The following ANKRD26 variants were observed in gnomAD, a reference collection of about 807,000 sequenced individuals.
ANKRD26 encodes the protein ankyrin repeat domain-containing protein 26.
ANKRD26 carries 141 observed loss-of-function variants against 208.7 expected under a neutral mutation model. The ratio of observed to expected loss-of-function variants is 0.68; its 90% CI spans 0.59 to 0.78. The LOEUF is 0.78. Among genes scored for constraint, ANKRD26 ranks in the 30% least tolerant of loss-of-function variants. The pLI is 0.00. For missense variants in ANKRD26, 1,889 were observed against 1,938.7 expected, an observed-to-expected ratio of 0.97 and a Z score of 0.48; for synonymous variants, 636 against 660.4, an observed-to-expected ratio of 0.96 and a Z score of 0.57.
At chr10:27,095,392 G>A (rs942849525) in intron 1 of ANKRD26, among the ~76,000 whole-genome samples, 3 of 152,202 alleles carry the variant, frequency 2.0e-5, no homozygotes, top group African/African-American at 7.2e-5. Flanking sequence ...GAGGGGTTGG[G>A]TGCAGTGGCT....
chr10:26,947,902 T>C, the ANKRD26 span, among the ~76,000 whole-genome samples: 2 of 152,228 alleles, frequency 1.3e-5, no homozygotes, highest in South Asian at 2.1e-4. Context: ...AAGTAAGAAG[T>C]AGAGTTGAGA....
At chr10:26,997,265 T>A (rs912150294) in intron 4 of ANKRD26, among the ~76,000 whole-genome samples, 2 of 152,170 alleles carry the variant, frequency 1.3e-5, no homozygotes, top group African/African-American at 4.8e-5. Context: ...GATACACCCA[T>A]GATGCTAATC....
intron 4 of ANKRD26, among the ~76,000 whole-genome samples, 159 bp from the exon 5 acceptor site, chr10:27,086,768 G>GTTTTTTTTTTT (rs36035101): frequency 2.1e-5 from 2 of 97,016 alleles, no homozygotes; most frequent in Non-Finnish European, 3.9e-5. Context: ...AAACTTTTTT[G>GTTTTTTTTTTT]TTTTTTTTTT....
rs879642526 is a variant in ANKRD26 at position 27,082,919 on chromosome 10, A to G, written c.710-86T>C. The stretch of plus-strand genomic sequence containing the variant: ...AAGCATAAGACTGATAGTTTGTTAC[A>G]AAGTATCCCTCTGGGACCATATCTG... On this transcript the variant is annotated intron_variant, in intron 5 of 33. Transcript: ENST00000376087. 7.0e-5 allele frequency: 105 copies of G among 1,490,868 alleles called. No individual in the cohort carries two copies. The East Asian group carries it at 1.4e-3, about 20-fold the overall frequency. The allele number at this position is 1,490,868 out of a possible 1,614,324, so 92.4% of individuals were successfully genotyped here.
intron 16 of ANKRD26, among the ~76,000 whole-genome samples, chr10:27,052,710 A>T (rs2054703444): frequency 6.6e-6 from 1 of 152,164 alleles, no homozygotes; most frequent in Non-Finnish European, 1.5e-5. Flanking sequence ...GACTGAAATA[A>T]TCAGAAAGTT....
intron 3 of ANKRD26, among the ~76,000 whole-genome samples, chr10:26,986,188 A>C (rs1011979831): frequency 7.9e-5 from 12 of 152,236 alleles, no homozygotes; most frequent in East Asian, 3.9e-4. Context: ...AAAGGATTCC[A>C]TATTTAATAA....
rs532285641 is a variant in ANKRD26, at chr10:27,100,463, C to G, written c.-137G>C. 1 of 1,324,100 alleles carries G rather than the reference C, an allele frequency of 7.6e-7. No individual in the cohort carries two copies. Among genetic ancestry groups the G allele is most frequent in the East Asian group, 2.4e-5 (1 of 41,268 alleles). The allele number at this position is 1,324,100 out of a possible 1,614,324, so 82.0% of individuals were successfully genotyped here. A position where few individuals can be genotyped will look rare whatever the true frequency, so the allele number is the denominator to read the frequency against. On this transcript the variant is annotated 5_prime_UTR_variant, in exon 1 of 34. Transcript: ENST00000376087. ...CTCCGCGGTTTCCAATCTCTCCCTCCGGGTTACCAAGCAAGCGATCCCGCT... is the reference window on the plus strand; with the variant it reads ...CTCCGCGGTTTCCAATCTCTCCCTCGGGGTTACCAAGCAAGCGATCCCGCT...
the ANKRD26 span, among the ~76,000 whole-genome samples, chr10:26,964,117 C>T: frequency 1.3e-5 from 2 of 151,730 alleles, no homozygotes; most frequent in East Asian, 3.9e-4. Flanking sequence ...TCATATTGGC[C>T]AGGCTGGTCT....
intron 9 of ANKRD26, among the ~76,000 whole-genome samples, chr10:27,075,488 G>C (rs1340349165): frequency 6.6e-6 from 1 of 152,110 alleles, no homozygotes; most frequent in Non-Finnish European, 1.5e-5. Context: ...AACAGTAAAA[G>C]TAGATAAAAA....
chr10:27,077,344 A>G lies in ANKRD26; in HGVS notation c.1071T>C (p.Leu357=). Residue 357 remains leucine (L), a synonymous_variant, in exon 9 of 34, where the codon CTT becomes CTC. Coordinates refer to ENST00000376087, the MANE Select transcript of ANKRD26 (RefSeq NM_014915.3). Reference sequence around the variant, plus strand: ...TTTTTAAAAAACAACTTACCTTCATAAGACCAGGGTTTGCTAACGACTTGT... The same window carrying G: ...TTTTTAAAAAACAACTTACCTTCATGAGACCAGGGTTTGCTAACGACTTGT... ...PSHKSLANPG[L]MKEEPTKPGI... is the part of the protein sequence containing the mutation. The G allele has an allele frequency of 6.2e-7, 1 of 1,613,098 alleles. No homozygotes were observed. Among genetic ancestry groups the G allele is most frequent in the Middle Eastern group, 1.7e-4 (1 of 6,056 alleles).
intron 16 of ANKRD26, chr10:27,052,143 T>A: frequency 9.2e-6 from 9 of 982,928 alleles, no homozygotes; most frequent in Non-Finnish European, 9.7e-6. Context: ...AATAACTTTA[T>A]CCTTGAGTAA....
downstream of ANKRD26, among the ~76,000 whole-genome samples, chr10:26,999,841 CAAG>C (rs541890287): frequency 1.6e-3 from 241 of 148,138 alleles, 3 homozygotes; most frequent in African/African-American, 5.7e-3. Context: ...AACAAAATCC[CAAG>C]AAGACAGAAA....
intron 20 of ANKRD26, among the ~76,000 whole-genome samples, chr10:27,042,321 T>C (rs61279215): frequency 6.6e-6 from 1 of 152,292 alleles, no homozygotes; most frequent in Middle Eastern, 3.4e-3. Context: ...CACCTAAATG[T>C]AAGACGCAAA....
chr10:27,020,646 C>T (rs2053455045), intron 29 of ANKRD26, among the ~76,000 whole-genome samples: 1 of 152,070 alleles, frequency 6.6e-6, no homozygotes, highest in South Asian at 2.1e-4. Flanking sequence ...ACATTCCATC[C>T]TGTATATACA....
At chr10:27,057,594 T>C (rs1459217177) in intron 15 of ANKRD26, among the ~76,000 whole-genome samples, 2 of 152,198 alleles carry the variant, frequency 1.3e-5, no homozygotes, top group African/African-American at 2.4e-5. Flanking sequence ...TACCACTATG[T>C]TCAGAATTTA....
chr10:27,039,598 T>G (rs1564379163), intron 21 of ANKRD26, among the ~76,000 whole-genome samples: 1 of 152,134 alleles, frequency 6.6e-6, no homozygotes, highest in African/African-American at 2.4e-5. Context: ...TTTAAACGAA[T>G]AATTCTATAT....
intron 3 of ANKRD26, among the ~76,000 whole-genome samples, chr10:26,984,046 GA>G (rs2052348290): frequency 6.6e-6 from 1 of 151,970 alleles, no homozygotes; most frequent in Non-Finnish European, 1.5e-5. Flanking sequence ...GGCTACAGCA[GA>G]CGGCAGTGGC....
At chr10:27,014,793 T>G in intron 30 of ANKRD26, 82 bp from the exon 31 acceptor site, 1 of 1,181,450 alleles carries the variant, frequency 8.5e-7, no homozygotes, top group African/African-American at 1.5e-5. Context: ...CTAAGGGCTG[T>G]TTTGTTTTTA....
At position 27,022,363 on chromosome 10, in the gene ANKRD26, C is replaced by T. The variant is rs114048314; in HGVS notation, c.4215+195G>A. Among the ~76,000 whole-genome samples the T allele has an allele frequency of 0.022, 3,360 of 152,106 alleles. 136 individuals carry two copies. The highest frequency in any genetic ancestry group is 0.076 in the African/African-American group (3,147 of 41,470). On this transcript the variant is annotated intron_variant, in intron 29 of 33. Transcript: ENST00000376087. ...CAAAATAATCTGTTTAACAAACACCCGTGACACAAGTTTAACTACATAACA... is the reference window on the plus strand; with the variant it reads ...CAAAATAATCTGTTTAACAAACACCTGTGACACAAGTTTAACTACATAACA...
Sources: allele counts gnomAD v4.1 joint callset (sites outside exome capture counted in the v4.1 genomes callset), GRCh38; gene constraint gnomAD v4.1.1; transcripts MANE v1.5; gene names NCBI Gene and HGNC (gene_info 2026-07-23, HGNC 2026-07-21).